SPTB: variants seen among roughly 807,000 people sequenced by gnomAD.
SPTB encodes spectrin beta, erythrocytic, also known as spectrin beta chain, erythrocytic.
Under a neutral mutation model 256.2 loss-of-function variants are expected in SPTB, and 45 were observed. The observed-to-expected ratio is 0.18, with a 90% CI of 0.14 to 0.23. The LOEUF (loss-of-function observed/expected upper bound fraction) is 0.23. Among genes scored for constraint, SPTB ranks in the 10% least tolerant of loss-of-function variants. SPTB has a pLI of 1.00. For missense variants in SPTB, 2,715 were observed against 3,040.4 expected, an observed-to-expected ratio of 0.89 and a Z score of 2.52; for synonymous variants, 1,231 against 1,243.1, an observed-to-expected ratio of 0.99 and a Z score of 0.21.
intron 1 of SPTB, among the ~76,000 whole-genome samples, chr14:64,864,803 GT>G: frequency 6.6e-6 from 1 of 152,144 alleles, no homozygotes; most frequent in Admixed American, 6.5e-5. Context: ...CTAAAAACTG[GT>G]TTTTAAAAAG....
rs921774613 is a variant in SPTB, at chr14:64,759,593, G to A, written c.6346-5800C>T. Among the ~76,000 whole-genome samples, 4 of 152,340 alleles carry A rather than the reference G, an allele frequency of 2.6e-5. No individual in the cohort carries two copies. Among genetic ancestry groups the A allele is most frequent in the Non-Finnish European group, 4.4e-5 (3 of 68,028 alleles). On this transcript the variant is annotated intron_variant, in intron 32 of 35. Transcript: ENST00000644917. The surrounding 1 kb of genome is among the most constrained non-coding windows in gnomAD (Gnocchi z 4.8). Reference sequence around the variant, plus strand: ...ATGGACAGAGAGCACCAGGAGGGGCGATGCTGGCTACTCATGTGGCTGAGA... The same window carrying A: ...ATGGACAGAGAGCACCAGGAGGGGCAATGCTGGCTACTCATGTGGCTGAGA...
Position 64,845,619 on chromosome 14 carries a change from C to T in SPTB, c.-51-22474G>A, listed in dbSNP as rs893714520. Among the ~76,000 whole-genome samples, 1 of 152,136 alleles carries T rather than the reference C, an allele frequency of 6.6e-6. No homozygotes were observed. Among genetic ancestry groups the T allele is most frequent in the East Asian group, 1.9e-4 (1 of 5,202 alleles). On this transcript the variant is annotated intron_variant, in intron 1 of 35. Transcript: ENST00000644917. The surrounding 1 kb of genome is among the most constrained non-coding windows in gnomAD (Gnocchi z 4.8). Reference sequence around the variant, plus strand: ...GATGAAAAGCAAAAGGTTGTGACACCAGTATCAGGAGACAGCAGGATCACC... The same window carrying T: ...GATGAAAAGCAAAAGGTTGTGACACTAGTATCAGGAGACAGCAGGATCACC...
intron 3 of SPTB, 149 bp downstream of exon 3, chr14:64,804,790 C>T (rs373198800): frequency 2.5e-5 from 26 of 1,041,508 alleles, no homozygotes; most frequent in Admixed American, 9.8e-5. Context: ...GTCAGCCACA[C>T]GGATGCTTCC....
chr14:64,839,056 C>A (rs773017605), intron 1 of SPTB, among the ~76,000 whole-genome samples: 1 of 151,908 alleles, frequency 6.6e-6, no homozygotes, highest in Non-Finnish European at 1.5e-5. Flanking sequence ...TGCTTGAACC[C>A]GGGAGGCAGA....
Position 64,785,550 on chromosome 14 carries a change from TGGA to T in SPTB, c.3839_3841del (p.Leu1280del), listed in dbSNP as rs2082548839. ...CTGGAGCCTCACCTCCTGGCAGTTCTGGAGGAAGTTCTGTAGCTCCAGGTTGTC... is the reference window on the plus strand; with the variant it reads ...CTGGAGCCTCACCTCCTGGCAGTTCTGGAAGTTCTGTAGCTCCAGGTTGTC... On this transcript the variant is annotated inframe_deletion, in exon 18 of 36. Transcript: ENST00000644917. The surrounding 1 kb of genome is among the most constrained non-coding windows in gnomAD (Gnocchi z 4.4). 1 of 1,613,424 alleles carries T rather than the reference TGGA, an allele frequency of 6.2e-7. No homozygotes were observed. Among genetic ancestry groups the T allele is most frequent in the Non-Finnish European group, 8.5e-7 (1 of 1,179,784 alleles).
chr14:64,867,402 G>A (rs1397693648), intron 1 of SPTB, among the ~76,000 whole-genome samples: 1 of 152,184 alleles, frequency 6.6e-6, no homozygotes, highest in Admixed American at 6.5e-5. Context: ...TAATCTAGAG[G>A]TGAGTCAGGT....
chr14:64,774,565 T>C, intron 23 of SPTB, 38 bp from the exon 24 acceptor site: 1 of 1,551,292 alleles, frequency 6.4e-7, no homozygotes, highest in Non-Finnish European at 8.7e-7. Context: ...GAGCTCAGTC[T>C]GGCCATGATC....
rs2082272840 is a variant in SPTB, at chr14:64,771,092, G to A, written c.5591C>T (p.Thr1864Ile). 1 of 1,614,070 alleles carries A rather than the reference G, an allele frequency of 6.2e-7. No individual in the cohort carries two copies. The highest frequency in any genetic ancestry group is 8.5e-7 in the Non-Finnish European group (1 of 1,180,044). The change falls in exon 27 of 36, where the codon ACA becomes ATA. Residue 1864 changes from threonine (T) to isoleucine (I), a missense_variant. This residue lies in a region of SPTB where 2,239 missense variants were observed against 2,384.4 expected (regional missense o/e 0.94). Coordinates refer to ENST00000644917, the MANE Select transcript of SPTB (RefSeq NM_001355436.2). Reference protein sequence around the residue: ...QFQDVATRLQTAYAGEKAEAI... With the variant: ...QFQDVATRLQIAYAGEKAEAI... ...CTCTGCCTTCTCCCCAGCATATGCT[G>A]TCTGCAGACGGGTGGCCACGTCCTG...
chr14:64,805,941 C>A (rs899241369), intron 2 of SPTB, among the ~76,000 whole-genome samples: 1 of 152,102 alleles, frequency 6.6e-6, no homozygotes, highest in Admixed American at 6.5e-5. Flanking sequence ...GGGAAGGTGA[C>A]ATGACACCCC....
intron 32 of SPTB, among the ~76,000 whole-genome samples, chr14:64,762,893 G>A (rs1394691434): frequency 2.0e-5 from 3 of 152,226 alleles, no homozygotes; most frequent in Non-Finnish European, 2.9e-5. Flanking sequence ...ATCCCACACA[G>A]TGAGCCCTAG....
intron 2 of SPTB, among the ~76,000 whole-genome samples, chr14:64,812,612 C>T (rs528535414): frequency 4.6e-5 from 7 of 152,058 alleles, no homozygotes; most frequent in South Asian, 2.1e-4. Flanking sequence ...CAGGCTTCTC[C>T]GTGGCTCCTC....
intron 29 of SPTB, among the ~76,000 whole-genome samples, chr14:64,768,822 C>A (rs2139484797): frequency 6.6e-6 from 1 of 152,300 alleles, no homozygotes; most frequent in Non-Finnish European, 1.5e-5. Context: ...GGCACGCTGG[C>A]TAGTTAGAGT....
intron 10 of SPTB, among the ~76,000 whole-genome samples, chr14:64,797,482 AAAAAAAAAAAAAAAAAAAAAG>A (rs2082794611): frequency 7.0e-6 from 1 of 142,778 alleles, no homozygotes; most frequent in Non-Finnish European, 1.5e-5. Flanking sequence ...AAAAAAAAAA[AAAAAAAAAAAAAAAAAAAAAG>A]GACTCAGGGA....
rs1284516251 is a variant in SPTB, at chr14:64,777,280, G to A, written c.4563+1877C>T. On this transcript the variant is annotated intron_variant, in intron 22 of 35. Coordinates refer to ENST00000644917, the MANE Select transcript of SPTB (RefSeq NM_001355436.2). This position sits in a 1 kb window ranked among gnomAD's most constrained non-coding sequence, Gnocchi z 4.5. ...GAAGAGCTGGAATACTGTGAAGGAG[G>A]GCAAAGTGAGAAGAGCTGAGTTTCA... 6.6e-6 allele frequency among the ~76,000 whole-genome samples: 1 copy of A among 152,184 alleles called. No individual in the cohort carries two copies. Among genetic ancestry groups the A allele is most frequent in the African/African-American group, 2.4e-5 (1 of 41,428 alleles).
chr14:64,864,580 G>A (rs1355732285), intron 1 of SPTB, among the ~76,000 whole-genome samples: 1 of 152,162 alleles, frequency 6.6e-6, no homozygotes, highest in East Asian at 1.9e-4. Flanking sequence ...CATACACATA[G>A]ATACATATAT....
At chr14:64,821,879 G>C (rs1250620671) in intron 2 of SPTB, among the ~76,000 whole-genome samples, 1 of 152,124 alleles carries the variant, frequency 6.6e-6, no homozygotes, top group East Asian at 1.9e-4. Flanking sequence ...GGTCCCAGAG[G>C]GGTCCAGGGC....
At chr14:64,814,366 G>C (rs1302720293) in intron 2 of SPTB, among the ~76,000 whole-genome samples, 2 of 152,120 alleles carry the variant, frequency 1.3e-5, no homozygotes, top group Non-Finnish European at 2.9e-5. Context: ...GACCTATACA[G>C]TCATACATCT....
At chr14:64,813,696 T>C (rs1391849245) in intron 2 of SPTB, among the ~76,000 whole-genome samples, 1 of 152,170 alleles carries the variant, frequency 6.6e-6, no homozygotes. Flanking sequence ...CTAAATTTTT[T>C]TGTATTTTTA....
Position 64,793,011 on chromosome 14 carries a change from C to T in SPTB, c.2652G>A (p.Glu884=). 1 of 1,613,958 alleles carries T rather than the reference C, an allele frequency of 6.2e-7. No homozygotes were observed. Among genetic ancestry groups the T allele is most frequent in the Non-Finnish European group, 8.5e-7 (1 of 1,180,024 alleles). Residue 884 remains glutamate, a synonymous_variant, in exon 14 of 36, where the codon GAG becomes GAA. Transcript: ENST00000644917. This position sits in a 1 kb window ranked among gnomAD's most constrained non-coding sequence, Gnocchi z 7.0. Reference sequence around the variant, plus strand: ...TTAACTCTGACCTGTGCTGCACGACCTCCAGGTCCTCCAGGGTGTCTGGCA... The same window carrying T: ...TTAACTCTGACCTGTGCTGCACGACTTCCAGGTCCTCCAGGGTGTCTGGCA... ...MEMPDTLEDL[E]VVQHRFDILD...
Sources: gnomAD v4.1 joint callset for allele counts (sites outside exome capture counted in the v4.1 genomes callset) on GRCh38, gnomAD v4.1.1 for gene constraint, gnomAD v4.1.1 regional missense constraint, Gnocchi (gnomAD v3.1) non-coding constraint, MANE v1.5 for transcripts, NCBI Gene and HGNC (gene_info 2026-07-23, HGNC 2026-07-21) for gene names.